The following GNA14 variants were observed in gnomAD, a reference collection of about 807,000 sequenced individuals.
The protein encoded by GNA14 is guanine nucleotide-binding protein subunit alpha-14.
A neutral mutation model predicts 42.0 loss-of-function variants in GNA14; 50 were observed. The ratio of observed to expected loss-of-function variants is 1.19; its 90% confidence interval spans 0.95 to 1.51. GNA14 has a LOEUF of 1.51. Ranked by LOEUF, GNA14 falls within the 40% of genes most tolerant of loss-of-function variation. GNA14 has a pLI of 0.00. For missense variants in GNA14, 473 were observed against 446.2 expected, an observed-to-expected ratio of 1.06 and a Z score of -0.54; for synonymous variants, 173 against 163.1, an observed-to-expected ratio of 1.06 and a Z score of -0.46.
At chr9:77,480,225 A>G (rs2131727999) in intron 2 of GNA14, among the ~76,000 whole-genome samples, 1 of 152,312 alleles carries the variant, frequency 6.6e-6, no homozygotes, top group East Asian at 1.9e-4. Flanking sequence ...GATATGTCCG[A>G]TCACAACCTA....
At chr9:77,581,002 G>GCACA (rs3052394) in intron 1 of GNA14, among the ~76,000 whole-genome samples, 4,109 of 144,346 alleles carry the variant, frequency 0.028, 116 homozygotes, top group African/African-American at 0.072. Flanking sequence ...TACAATAAAG[G>GCACA]CACACACACA....
Position 77,648,117 on chromosome 9 carries a change from C to T in GNA14, c.-324G>A. The T allele has an allele frequency of 2.6e-6, 1 of 381,326 alleles. No individual in the cohort carries two copies. The highest frequency in any genetic ancestry group is 7.5e-4 in the Middle Eastern group (1 of 1,330). The allele number at this position is 381,326 out of a possible 1,614,324, so 23.6% of individuals were successfully genotyped here. A position where few individuals can be genotyped will look rare whatever the true frequency, so the allele number is the denominator to read the frequency against. On this transcript the variant is annotated 5_prime_UTR_variant, in exon 1 of 7. Coordinates refer to ENST00000341700, the MANE Select transcript of GNA14 (RefSeq NM_004297.4). Reference sequence around the variant, plus strand: ...GTTGCTGGCCCCGGGAAGATGCGCGCGCCCCTTGGCACAGGAGCCGGACAG... The same window carrying T: ...GTTGCTGGCCCCGGGAAGATGCGCGTGCCCCTTGGCACAGGAGCCGGACAG...
At chr9:77,605,780 A>C (rs1241385860) in intron 1 of GNA14, among the ~76,000 whole-genome samples, 2 of 152,218 alleles carry the variant, frequency 1.3e-5, no homozygotes, top group Non-Finnish European at 2.9e-5. Context: ...CTAGTACTGA[A>C]TCTTTTCTAG....
At chr9:77,572,390 C>A (rs1216461515) in intron 1 of GNA14, among the ~76,000 whole-genome samples, 1 of 152,074 alleles carries the variant, frequency 6.6e-6, no homozygotes, top group African/African-American at 2.4e-5. Context: ...GTCAGTCCTA[C>A]CTTTAGACAT....
intron 2 of GNA14, among the ~76,000 whole-genome samples, chr9:77,441,359 TGAA>T (rs1419018409): frequency 2.0e-5 from 3 of 152,192 alleles, no homozygotes; most frequent in Non-Finnish European, 4.4e-5. Flanking sequence ...CTGCTGCCTG[TGAA>T]GAAGGTGCCT....
intron 2 of GNA14, among the ~76,000 whole-genome samples, chr9:77,514,328 G>C (rs1331199951): frequency 6.6e-6 from 1 of 152,124 alleles, no homozygotes; most frequent in East Asian, 1.9e-4. Context: ...CTACCACCTA[G>C]ATGAATCTCT....
At chr9:77,562,130 T>C (rs1429587663) in intron 1 of GNA14, among the ~76,000 whole-genome samples, 2 of 152,224 alleles carry the variant, frequency 1.3e-5, no homozygotes, top group Non-Finnish European at 1.5e-5. Context: ...AATGCCTTTG[T>C]ACTCGAGGCC....
Position 77,515,149 on chromosome 9 carries a change from C to T in GNA14, c.309+13920G>A, listed in dbSNP as rs532045522. Among the ~76,000 whole-genome samples the T allele has an allele frequency of 2.6e-5, 4 of 151,892 alleles. No individual in the cohort carries two copies. The South Asian group carries it at 8.4e-4, about 32-fold the overall frequency. On this transcript the variant is annotated intron_variant, in intron 2 of 6. Transcript: ENST00000341700. ...CATGGGCTCATAAAAAAATCACATT[C>T]CTTTGCCCCAGGAATGAGTTCTTCA... is the stretch of plus-strand genomic sequence containing the variant.
chr9:77,459,403 T>C (rs1448977984), intron 2 of GNA14, among the ~76,000 whole-genome samples: 1 of 152,104 alleles, frequency 6.6e-6, no homozygotes. Context: ...TCCAGTGCCC[T>C]CCTGCCTGGG....
chr9:77,541,909 C>G (rs1005697014), intron 1 of GNA14, among the ~76,000 whole-genome samples: 25 of 152,044 alleles, frequency 1.6e-4, no homozygotes, highest in Non-Finnish European at 4.4e-5. Flanking sequence ...AAAAGTATCT[C>G]TTTTTGGGAA....
At chr9:77,566,241 G>T (rs1431400915) in intron 1 of GNA14, among the ~76,000 whole-genome samples, 1 of 143,588 alleles carries the variant, frequency 7.0e-6, no homozygotes, top group East Asian at 2.1e-4. Context: ...TGCAACCTCT[G>T]CCTCCCAGGT....
chr9:77,527,589 T>C (rs940369760), intron 2 of GNA14, among the ~76,000 whole-genome samples: 142 of 152,328 alleles, frequency 9.3e-4, no homozygotes, highest in Middle Eastern at 3.4e-3. Context: ...AGCCAAAAGA[T>C]TGGATACCCT....
At chr9:77,457,618 G>A (rs1726676638) in intron 2 of GNA14, among the ~76,000 whole-genome samples, 1 of 152,118 alleles carries the variant, frequency 6.6e-6, no homozygotes, top group African/African-American at 2.4e-5. Context: ...CCTACTCTTT[G>A]CACTGAATTT....
intron 1 of GNA14, among the ~76,000 whole-genome samples, chr9:77,637,800 A>G (rs1824206088): frequency 7.2e-5 from 11 of 152,188 alleles, no homozygotes; most frequent in Admixed American, 7.2e-4. Flanking sequence ...GCTTTAGTAA[A>G]CCATGAAAAG....
At chr9:77,509,955 T>A (rs1278237605) in intron 2 of GNA14, among the ~76,000 whole-genome samples, 1 of 152,224 alleles carries the variant, frequency 6.6e-6, no homozygotes, top group African/African-American at 2.4e-5. Flanking sequence ...TGTTTTTTAA[T>A]AACAGTTTTC....
chr9:77,487,591 T>C (rs1836682646), intron 2 of GNA14, among the ~76,000 whole-genome samples: 1 of 152,216 alleles, frequency 6.6e-6, no homozygotes, highest in African/African-American at 2.4e-5. Flanking sequence ...AGAACCATGT[T>C]GCTGTTTTAG....
At position 77,566,346 on chromosome 9, in the gene GNA14, G is replaced by T. The variant is rs368926913; in HGVS notation, c.125-37093C>A. On this transcript the variant is annotated intron_variant, in intron 1 of 6. Transcript: ENST00000341700. ...ATTTTTGTATTTTTAGTAGAAACAG[G>T]GTCTCGCCATGTTGGTCAAGCTGGT... 5.9e-5 allele frequency among the ~76,000 whole-genome samples: 9 copies of T among 151,804 alleles called. No homozygotes were observed. In the East Asian group the frequency reaches 9.7e-4, roughly 16 times the overall value.
rs149308573 is a variant in GNA14 at position 77,638,243 on chromosome 9, T to C, written c.124+9427A>G. Among the ~76,000 whole-genome samples the C allele has an allele frequency of 1.1e-3, 161 of 152,292 alleles. 1 individual carries two copies. Among genetic ancestry groups the C allele is most frequent in the African/African-American group, 3.8e-3 (157 of 41,564 alleles). On this transcript the variant is annotated intron_variant, in intron 1 of 6. Coordinates refer to ENST00000341700, the MANE Select transcript of GNA14 (RefSeq NM_004297.4). ...CAGGTGCCAGGATACAGGAACAAGA[T>C]AGCACAGCCCCACTCTCACAGAGCT...
intron 2 of GNA14, among the ~76,000 whole-genome samples, chr9:77,481,036 GTC>G (rs1836544925): frequency 6.6e-6 from 1 of 151,782 alleles, no homozygotes; most frequent in South Asian, 2.1e-4. Context: ...GGTTTTTTGT[GTC>G]TCTATTTCCT....
Sources: gnomAD v4.1 joint callset for allele counts (sites outside exome capture counted in the v4.1 genomes callset) on GRCh38, gnomAD v4.1.1 for gene constraint, MANE v1.5 for transcripts, NCBI Gene and HGNC (gene_info 2026-07-23, HGNC 2026-07-21) for gene names.